SGSM2: variants seen among roughly 807,000 people sequenced by gnomAD.
SGSM2 encodes the protein small G protein signaling modulator 2.
A neutral mutation model predicts 126.6 loss-of-function variants in SGSM2; 89 were observed. That is an observed-to-expected ratio of 0.70 (90% CI 0.59 to 0.84). The LOEUF (loss-of-function observed/expected upper bound fraction) is 0.84. SGSM2 is among the 40% of genes least tolerant of loss of function. The pLI is 0.00. For synonymous variants in SGSM2, 614 were observed against 574.3 expected, an observed-to-expected ratio of 1.07 and a Z score of -0.99; for missense variants, 1,404 against 1,416.6, an observed-to-expected ratio of 0.99 and a Z score of 0.14.
Position 2,373,388 on chromosome 17 carries a change from G to T in SGSM2, c.1975G>T (p.Glu659Ter). Residue 659 changes from glutamate (E) to a stop codon, truncating the protein, a stop_gained, in exon 17 of 24, where the codon GAG (glutamate) becomes TAG (stop). Coordinates refer to ENST00000268989, the MANE Select transcript of SGSM2 (RefSeq NM_014853.3). LOFTEE classifies it high-confidence loss of function. Reference protein sequence around the residue: ...QQVLAEWKACEVVVRQREREA... With the variant: ...QQVLAEWKAC ...GGTGTTGGCAGAGTGGAAGGCCTGC[G>T]AGGTGGTGGTGAGGCAGCGGGAGCG... 6.2e-7 allele frequency: 1 copy of T among 1,612,922 alleles called. No individual in the cohort carries two copies. Among genetic ancestry groups the T allele is most frequent in the Admixed American group, 1.7e-5 (1 of 60,006 alleles).
At position 2,362,965 on chromosome 17, in the gene SGSM2, G is replaced by T; in HGVS notation, c.527-24G>T. 1.2e-6 allele frequency: 2 copies of T among 1,614,056 alleles called. No homozygotes were observed. Among genetic ancestry groups the T allele is most frequent in the Non-Finnish European group, 1.7e-6 (2 of 1,180,008 alleles). The stretch of plus-strand genomic sequence containing the variant: ...GCAGGTGCTGAGGGAGCATCGTCTG[G>T]GCTGGCTGTCTCTGTCTCCACAGTG... On this transcript the variant is annotated intron_variant, in intron 5 of 23. Transcript: ENST00000268989. This position sits in a 1 kb window ranked among gnomAD's most constrained non-coding sequence, Gnocchi z 4.9.
intron 20 of SGSM2, 28 bp from the exon 21 acceptor site, chr17:2,376,931 T>C: frequency 6.2e-7 from 1 of 1,605,024 alleles, no homozygotes; most frequent in South Asian, 1.1e-5. Flanking sequence ...TCTCCTGCCC[T>C]GCCAGCTTCA....
intron 22 of SGSM2, among the ~76,000 whole-genome samples, chr17:2,378,771 C>G (rs1418566590): frequency 6.6e-6 from 1 of 152,184 alleles, no homozygotes; most frequent in Non-Finnish European, 1.5e-5. Flanking sequence ...AAGGATGGGG[C>G]CTTGGTACGG....
intron 2 of SGSM2, among the ~76,000 whole-genome samples, chr17:2,348,813 A>G (rs946556641): frequency 3.3e-5 from 5 of 152,106 alleles, no homozygotes; most frequent in African/African-American, 1.2e-4. Context: ...TCCCCGCTGG[A>G]GTGCAGTGGT....
intron 2 of SGSM2, among the ~76,000 whole-genome samples, chr17:2,345,894 C>A (rs1022876154): frequency 5.9e-5 from 9 of 152,142 alleles, no homozygotes; most frequent in African/African-American, 2.2e-4. Context: ...TCGTTGAAAG[C>A]ATTGATTATC....
chr17:2,343,676 C>G lies in SGSM2; in HGVS notation c.133+56C>G, dbSNP rs1161403085. ...TCGGTCTAGAGCCGAGGACACTGGC[C>G]TGGGGCCAGGAAAAGATGAGTCCTC... On this transcript the variant is annotated intron_variant, in intron 2 of 23. Transcript: ENST00000268989. The G allele has an allele frequency of 2.6e-6, 4 of 1,521,494 alleles. No homozygotes were observed. The Admixed American group carries it at 6.7e-5, about 26-fold the overall frequency. 94.2% of individuals were successfully genotyped at this position (1,521,494 alleles called of 1,614,324 possible).
intron 1 of SGSM2, among the ~76,000 whole-genome samples, chr17:2,339,209 C>T (rs974633318): frequency 1.3e-5 from 2 of 151,764 alleles, no homozygotes; most frequent in Admixed American, 1.3e-4. Flanking sequence ...GGGTAGATCA[C>T]GAGGTCAGGA....
intron 9 of SGSM2, 63 bp downstream of exon 9, chr17:2,364,726 C>T: frequency 6.3e-7 from 1 of 1,590,408 alleles, no homozygotes; most frequent in Non-Finnish European, 8.6e-7. Flanking sequence ...CAGCTGTGCA[C>T]TGTGCGTGGG....
In SGSM2 at chr17:2,380,676, C is replaced by T. The variant is rs1454406009; in HGVS notation, c.*1156C>T. 12 of 341,470 alleles carry T rather than the reference C, an allele frequency of 3.5e-5. No individual in the cohort carries two copies. The highest frequency in any genetic ancestry group is 6.1e-5 in the Non-Finnish European group (11 of 179,834). 21.2% of individuals were successfully genotyped at this position (341,470 alleles called of 1,614,324 possible). A position where few individuals can be genotyped will look rare whatever the true frequency, so the allele number is the denominator to read the frequency against. Reference sequence around the variant, plus strand: ...TCGGCCATCCCCACTTCCTCCTCTACCCCAACACATGCAGGCTAGGCCTTG... The same window carrying T: ...TCGGCCATCCCCACTTCCTCCTCTATCCCAACACATGCAGGCTAGGCCTTG... On this transcript the variant is annotated 3_prime_UTR_variant, in exon 24 of 24. Coordinates refer to ENST00000268989, the MANE Select transcript of SGSM2 (RefSeq NM_014853.3).
At chr17:2,339,496 G>T (rs370522672) in intron 1 of SGSM2, among the ~76,000 whole-genome samples, 8 of 151,684 alleles carry the variant, frequency 5.3e-5, no homozygotes, top group African/African-American at 1.7e-4. Context: ...AGGCTGGGAC[G>T]GGCGGATCAC....
In SGSM2 at chr17:2,376,941, A is replaced by C; in HGVS notation, c.2693-18A>C. 10 of 1,608,284 alleles carry C rather than the reference A, an allele frequency of 6.2e-6. No homozygotes were observed. The highest frequency in any genetic ancestry group is 8.5e-6 in the Non-Finnish European group (10 of 1,175,748). On this transcript the variant is annotated intron_variant, in intron 20 of 23. Coordinates refer to ENST00000268989, the MANE Select transcript of SGSM2 (RefSeq NM_014853.3). Reference sequence around the variant, plus strand: ...CTGCGTCTCCTGCCCTGCCAGCTTCACTCCTGTCTCCCCTCAGATCAGCTG... The same window carrying C: ...CTGCGTCTCCTGCCCTGCCAGCTTCCCTCCTGTCTCCCCTCAGATCAGCTG...
chr17:2,363,922 G>A lies in SGSM2; in HGVS notation c.808-137G>A. The A allele has an allele frequency of 9.6e-7, 1 of 1,044,258 alleles. No individual in the cohort carries two copies. Among genetic ancestry groups the A allele is most frequent in the African/African-American group, 1.6e-5 (1 of 63,654 alleles). 64.7% of individuals were successfully genotyped at this position (1,044,258 alleles called of 1,614,324 possible). On this transcript the variant is annotated intron_variant, in intron 7 of 23. Coordinates refer to ENST00000268989, the MANE Select transcript of SGSM2 (RefSeq NM_014853.3). The surrounding 1 kb of genome is among the most constrained non-coding windows in gnomAD (Gnocchi z 4.2). ...CTGAGTCCTGTTTTCCTGTGCTTCT[G>A]CCCCGTCCCTAGTCCAGGACCCCGT...
chr17:2,364,847 G>A lies in SGSM2; in HGVS notation c.1001-50G>A, dbSNP rs904343542. ...GCCTGGGGGCACTGGCCAGCAGGGT[G>A]TGATAGCCGACGAGAGGGCCTCAGC... is the stretch of plus-strand genomic sequence containing the variant. On this transcript the variant is annotated intron_variant, in intron 9 of 23. Coordinates refer to ENST00000268989, the MANE Select transcript of SGSM2 (RefSeq NM_014853.3). The A allele has an allele frequency of 4.4e-6, 7 of 1,594,630 alleles. No homozygotes were observed. The Admixed American group carries it at 5.0e-5, about 11-fold the overall frequency.
chr17:2,365,290 GCCA>G lies in SGSM2; in HGVS notation c.1240_1242del (p.Thr414del), dbSNP rs748630050. ...TATGGAGGAGATGGGCACGGGGCGGGCCACCGACTATGTGTTCCGGATCATCTA... is the reference window on the plus strand; with the variant it reads ...TATGGAGGAGATGGGCACGGGGCGGGCCGACTATGTGTTCCGGATCATCTA... On this transcript the variant is annotated inframe_deletion, in exon 11 of 24. Transcript: ENST00000268989. 2 of 1,592,614 alleles carry G rather than the reference GCCA, an allele frequency of 1.3e-6. No individual in the cohort carries two copies. Among genetic ancestry groups the G allele is most frequent in the Non-Finnish European group, 1.7e-6 (2 of 1,169,786 alleles).
intron 19 of SGSM2, 177 bp from the exon 20 acceptor site, chr17:2,376,556 G>T (rs1036973254): frequency 3.0e-5 from 23 of 754,664 alleles, no homozygotes; most frequent in Admixed American, 4.7e-5. Flanking sequence ...GAGTGCCTTG[G>T]GGGGGACCCG....
intron 2 of SGSM2, among the ~76,000 whole-genome samples, chr17:2,351,225 C>A (rs2064836064): frequency 6.6e-6 from 1 of 151,524 alleles, no homozygotes; most frequent in Non-Finnish European, 1.5e-5. Context: ...TGCACTCCGA[C>A]CTGGGCAATA....
rs1165473173 is a variant in SGSM2, at chr17:2,367,874, C to G, written c.1423+469C>G. Among the ~76,000 whole-genome samples the G allele has an allele frequency of 2.0e-5, 3 of 152,088 alleles. No individual in the cohort carries two copies. Among genetic ancestry groups the G allele is most frequent in the Non-Finnish European group, 4.4e-5 (3 of 67,988 alleles). ...GCAGGGGCAGCAGCTGTGGGTCAGG[C>G]GAGGGGTTGAGGGCTGCCATGCGAA... On this transcript the variant is annotated intron_variant, in intron 12 of 23. Coordinates refer to ENST00000268989, the MANE Select transcript of SGSM2 (RefSeq NM_014853.3). This position sits in a 1 kb window ranked among gnomAD's most constrained non-coding sequence, Gnocchi z 4.0.
In SGSM2 at chr17:2,379,440, G is replaced by C. The variant is rs576999962; in HGVS notation, c.3076G>C (p.Glu1026Gln). The change falls in exon 24 of 24, where the codon GAG becomes CAG. Residue 1026 changes from glutamate (E) to glutamine (Q), a missense_variant. Coordinates refer to ENST00000268989, the MANE Select transcript of SGSM2 (RefSeq NM_014853.3). ...DIIKFFNERA[E>Q]HHDAQEILRI... ...TTCACGTTTCCCCCCAGAACGTGCT[G>C]AGCATCACGATGCCCAGGAGATCCT... is the stretch of plus-strand genomic sequence containing the variant. 3 of 1,613,054 alleles carry C rather than the reference G, an allele frequency of 1.9e-6. No individual in the cohort carries two copies. In the African/African-American group the frequency reaches 4.0e-5, roughly 21 times the overall value.
Position 2,343,670 on chromosome 17 carries a change from A to C in SGSM2, c.133+50A>C, listed in dbSNP as rs748042444. 4 of 1,552,756 alleles carry C rather than the reference A, an allele frequency of 2.6e-6. No individual in the cohort carries two copies. In the Admixed American group the frequency reaches 5.0e-5, roughly 19 times the overall value. ...GGGAGGTCGGTCTAGAGCCGAGGAC[A>C]CTGGCCTGGGGCCAGGAAAAGATGA... is the stretch of plus-strand genomic sequence containing the variant. On this transcript the variant is annotated intron_variant, in intron 2 of 23. Transcript: ENST00000268989.
Sources: allele counts gnomAD v4.1 joint callset (sites outside exome capture counted in the v4.1 genomes callset), GRCh38; gene constraint gnomAD v4.1.1; non-coding constraint Gnocchi (gnomAD v3.1); transcripts MANE v1.5; gene names NCBI Gene and HGNC (gene_info 2026-07-23, HGNC 2026-07-21).